The following MRPL34 variants were observed in gnomAD, a reference collection of about 807,000 sequenced individuals.
MRPL34 encodes the protein large ribosomal subunit protein bL34m.
Under a neutral mutation model 6.7 loss-of-function variants are expected in MRPL34, and 8 were observed. That is an observed-to-expected ratio of 1.20 (90% CI 0.70 to 2.16). The LOEUF (loss-of-function observed/expected upper bound fraction) is 2.16. Ranked by LOEUF, MRPL34 falls within the 30% of genes most tolerant of loss-of-function variation. The pLI is 0.00. For missense variants in MRPL34, 146 were observed against 125.5 expected (o/e 1.16, Z -0.78); for synonymous variants, 59 against 55.1 (o/e 1.07, Z -0.31).
upstream of MRPL34, chr19:17,303,080 G>T (rs879470992): frequency 5.9e-5 from 9 of 151,814 alleles, no homozygotes; most frequent in Admixed American, 5.2e-4. Flanking sequence ...CCCCGCCCCC[G>T]GCCCCCGCCT....
At chr19:17,302,240 A>C (rs1373215256), upstream of MRPL34, 1 of 152,442 alleles carries the variant, frequency 6.6e-6, no homozygotes, top group East Asian at 1.9e-4. Flanking sequence ...TTCCTGGAGA[A>C]GGGGACATTG....
At chr19:17,294,764 C>A in intron 1 of MRPL34, 1 of 1,614,146 alleles carries the variant, frequency 6.2e-7, no homozygotes, top group Non-Finnish European at 8.5e-7. Flanking sequence ...GCTCCAGCGC[C>A]GTAGGGCCCC....
upstream of MRPL34, among the ~76,000 whole-genome samples, chr19:17,300,094 CAG>C (rs2074110800): frequency 6.6e-6 from 1 of 151,686 alleles, no homozygotes; most frequent in Non-Finnish European, 1.5e-5. Context: ...TTAGTAGAGA[CAG>C]GGTTTCACCG....
upstream of MRPL34, chr19:17,301,674 T>C (rs756237719): frequency 6.8e-7 from 1 of 1,480,210 alleles, no homozygotes; most frequent in Non-Finnish European, 8.9e-7. Context: ...ATGAGAACCC[T>C]GCACCGTGCA....
rs1599529079 is a variant in MRPL34 at position 17,306,097 on chromosome 19, A to T, written c.66-69A>T. ...GCTCTGTCTCCGGGAGCCGAGGCTC[A>T]GAGAGGTTGAGCGCCAAGGTCACCC... On this transcript the variant is annotated intron_variant, in intron 1 of 1. Coordinates refer to ENST00000252602, the MANE Select transcript of MRPL34 (RefSeq NM_023937.4). The T allele has an allele frequency of 8.7e-6, 13 of 1,493,434 alleles. No homozygotes were observed. In the East Asian group the frequency reaches 3.2e-4, roughly 36 times the overall value. The allele number at this position is 1,493,434 out of a possible 1,614,324, so 92.5% of individuals were successfully genotyped here. A position where few individuals can be genotyped will look rare whatever the true frequency, so the allele number is the denominator to read the frequency against.
In MRPL34 at chr19:17,306,369, T is replaced by A. The variant is rs2074148701; in HGVS notation, c.269T>A (p.Leu90Gln). 39 of 1,595,914 alleles carry A rather than the reference T, an allele frequency of 2.4e-5. No homozygotes were observed. Among genetic ancestry groups the A allele is most frequent in the Non-Finnish European group, 3.1e-5 (36 of 1,172,862 alleles). Residue 90 changes from leucine (L) to glutamine (Q), a missense_variant, in exon 2 of 2, where the codon CTG becomes CAG. Coordinates refer to ENST00000252602, the MANE Select transcript of MRPL34 (RefSeq NM_023937.4). Reference sequence around the variant, plus strand: ...CGAATGCTCAAGGGCCGCAAGTCGCTGAGCCATTGAGGATCGCGACGCAGT... The same window carrying A: ...CGAATGCTCAAGGGCCGCAAGTCGCAGAGCCATTGAGGATCGCGACGCAGT... ...LRRMLKGRKSLSH is the reference protein window; with the variant it reads ...LRRMLKGRKSQSH
upstream of MRPL34, among the ~76,000 whole-genome samples, chr19:17,303,740 C>A (rs2074132919): frequency 6.6e-6 from 1 of 152,208 alleles, no homozygotes; most frequent in Non-Finnish European, 1.5e-5. Flanking sequence ...CTCCCAATTG[C>A]CCTGTTCCTC....
chr19:17,305,221 G>A (rs568414356), upstream of MRPL34, among the ~76,000 whole-genome samples: 2 of 148,958 alleles, frequency 1.3e-5, no homozygotes, highest in East Asian at 2.0e-4. Flanking sequence ...TCAGATCTGA[G>A]TATCAGAAAA....
chr19:17,301,232 C>A, upstream of MRPL34: 1 of 1,592,046 alleles, frequency 6.3e-7, no homozygotes, highest in Non-Finnish European at 8.5e-7. Flanking sequence ...GCCAAGCGGC[C>A]ATCGCTGCCC....
chr19:17,301,520 A>G, upstream of MRPL34: 1 of 1,610,934 alleles, frequency 6.2e-7, no homozygotes, highest in Non-Finnish European at 8.5e-7. Flanking sequence ...ACAAAGGTGT[A>G]GCCATCGCTG....
chr19:17,301,371 G>A (rs375984470), upstream of MRPL34: 38 of 1,610,902 alleles, frequency 2.4e-5, no homozygotes, highest in African/African-American at 4.5e-4. Flanking sequence ...GGTACACGGT[G>A]ATCCGGCGCT....
At chr19:17,303,198 C>A (rs911190920), upstream of MRPL34, 7 of 152,260 alleles carry the variant, frequency 4.6e-5, no homozygotes, top group African/African-American at 1.7e-4. Context: ...AAGTGGAGGC[C>A]CCGGGGCTTC....
chr19:17,293,579 C>T (rs1204499216), intron 1 of MRPL34, among the ~76,000 whole-genome samples: 1 of 152,078 alleles, frequency 6.6e-6, no homozygotes, highest in Non-Finnish European at 1.5e-5. Flanking sequence ...AGTACCCCCT[C>T]CCCCTCAGTC....
chr19:17,294,584 C>G, intron 1 of MRPL34: 1 of 1,607,676 alleles, frequency 6.2e-7, no homozygotes, highest in Non-Finnish European at 8.5e-7. Flanking sequence ...AGCCCTAGTC[C>G]CAGCGGTACA....
upstream of MRPL34, chr19:17,305,761 A>G (rs142838944): frequency 6.8e-3 from 6,306 of 924,124 alleles, 40 homozygotes; most frequent in Middle Eastern, 0.014. Flanking sequence ...CTACAACTTC[A>G]GGGTTTTCCC....
At chr19:17,305,603 A>G (rs1003786978), upstream of MRPL34, 2 of 459,216 alleles carry the variant, frequency 4.4e-6, no homozygotes, top group Admixed American at 3.6e-5. Context: ...ACTACAGCTC[A>G]GCTGCCAGCT....
chr19:17,304,759 G>A (rs968906122), upstream of MRPL34, among the ~76,000 whole-genome samples: 3 of 152,010 alleles, frequency 2.0e-5, no homozygotes, highest in African/African-American at 4.8e-5. Context: ...CGGGCCAGAA[G>A]AATGGACAGC....
chr19:17,304,920 T>C (rs1038141810), upstream of MRPL34, among the ~76,000 whole-genome samples: 1 of 152,098 alleles, frequency 6.6e-6, no homozygotes, highest in African/African-American at 2.4e-5. Flanking sequence ...CTTGAGACTA[T>C]AGGTGGTTGC....
chr19:17,302,714 T>G (rs1390069384), upstream of MRPL34, among the ~76,000 whole-genome samples: 1 of 152,128 alleles, frequency 6.6e-6, no homozygotes, highest in Non-Finnish European at 1.5e-5. Flanking sequence ...TCCCCAGAGG[T>G]GGCGAAGAGG....
Sources: allele counts gnomAD v4.1 joint callset (sites outside exome capture counted in the v4.1 genomes callset), GRCh38; gene constraint gnomAD v4.1.1; transcripts MANE v1.5; gene names NCBI Gene and HGNC (gene_info 2026-07-23, HGNC 2026-07-21).